Variants in DYNC1I1 observed in about 807,000 individuals in gnomAD.
DYNC1I1 encodes cytoplasmic dynein 1 intermediate chain 1.
In DYNC1I1, 43 loss-of-function variants were observed where a neutral mutation model predicts 86.6. The ratio of observed to expected loss-of-function variants is 0.50; its 90% CI spans 0.39 to 0.64. The LOEUF (loss-of-function observed/expected upper bound fraction) is 0.64. DYNC1I1 is among the 30% of genes least tolerant of loss of function. The pLI, the probability that DYNC1I1 is intolerant of heterozygous loss-of-function variation, is 0.00. For synonymous variants in DYNC1I1, 262 were observed against 283.7 expected, an observed-to-expected ratio of 0.92 and a Z score of 0.77; for missense variants, 604 against 788.8, an observed-to-expected ratio of 0.77 and a Z score of 2.81.
intron 5 of DYNC1I1, among the ~76,000 whole-genome samples, chr7:95,854,100 T>G (rs1038356976): frequency 6.6e-6 from 1 of 152,212 alleles, no homozygotes; most frequent in Admixed American, 6.5e-5. Context: ...CAGCCACTTA[T>G]GTCTTTTGAT....
chr7:96,080,375 A>G lies in DYNC1I1; in HGVS notation c.1663A>G (p.Ser555Gly). The G allele has an allele frequency of 1.2e-6, 2 of 1,608,696 alleles. No homozygotes were observed. The highest frequency in any genetic ancestry group is 1.7e-6 in the Non-Finnish European group (2 of 1,177,682). ...LNNDTEVPTA[S>G]VAIEGASALN... ...AACCCTTTGGCAGGTTCCAACAGCAAGTGTGGCCATTGAGGGGGCATCCGC... is the reference window on the plus strand; with the variant it reads ...AACCCTTTGGCAGGTTCCAACAGCAGGTGTGGCCATTGAGGGGGCATCCGC... Residue 555 changes from serine to glycine, a missense_variant, in exon 16 of 17, where the codon AGT (serine) becomes GGT (glycine). By Grantham distance (56) the Ser-to-Gly change is moderately conservative. Coordinates refer to ENST00000447467, the MANE Select transcript of DYNC1I1 (RefSeq NM_001135556.2).
chr7:95,879,072 C>G (rs1042822685), intron 6 of DYNC1I1, among the ~76,000 whole-genome samples: 4 of 151,852 alleles, frequency 2.6e-5, no homozygotes, highest in African/African-American at 9.7e-5. Flanking sequence ...CACAGACCCA[C>G]CTTACAAGAA....
chr7:96,080,224 C>G, intron 15 of DYNC1I1, 139 bp from the exon 16 acceptor site: 1 of 1,100,918 alleles, frequency 9.1e-7, no homozygotes, highest in Non-Finnish European at 1.2e-6. Flanking sequence ...GCCCTTTTTC[C>G]CCCCGGCACA....
intron 10 of DYNC1I1, among the ~76,000 whole-genome samples, chr7:96,022,905 A>G (rs1489401359): frequency 6.6e-6 from 1 of 151,498 alleles, no homozygotes; most frequent in Non-Finnish European, 1.5e-5. Context: ...AGAAAAAAAG[A>G]CCCTTTCCCT....
At chr7:95,865,941 A>G (rs907658729) in intron 5 of DYNC1I1, among the ~76,000 whole-genome samples, 1 of 152,188 alleles carries the variant, frequency 6.6e-6, no homozygotes, top group Non-Finnish European at 1.5e-5. Flanking sequence ...GGGCTATGGC[A>G]GCAGTATCTG....
At chr7:96,061,657 C>G (rs1476696226) in intron 14 of DYNC1I1, among the ~76,000 whole-genome samples, 1 of 151,260 alleles carries the variant, frequency 6.6e-6, no homozygotes, top group African/African-American at 2.4e-5. Flanking sequence ...AAAAGAGTCT[C>G]TCTCTCTCTT....
intron 5 of DYNC1I1, among the ~76,000 whole-genome samples, chr7:95,847,845 A>C (rs183844716): frequency 2.2e-4 from 34 of 152,280 alleles, no homozygotes; most frequent in Admixed American, 1.4e-3. Flanking sequence ...TGAAATTCAC[A>C]CCAGAGCTTC....
At chr7:95,971,056 T>G (rs13231718) in intron 6 of DYNC1I1, among the ~76,000 whole-genome samples, 6,385 of 152,220 alleles carry the variant, frequency 0.042, 186 homozygotes, top group Middle Eastern at 0.099. Flanking sequence ...GGATTCCATA[T>G]GAACAGTGGC....
chr7:95,898,030 A>C (rs1790932104), intron 6 of DYNC1I1, among the ~76,000 whole-genome samples: 1 of 152,216 alleles, frequency 6.6e-6, no homozygotes, highest in Non-Finnish European at 1.5e-5. Flanking sequence ...CTGTCAAAGC[A>C]ACTCATTTAT....
chr7:95,888,876 A>G (rs1790665429), intron 6 of DYNC1I1, among the ~76,000 whole-genome samples: 1 of 152,152 alleles, frequency 6.6e-6, no homozygotes, highest in Non-Finnish European at 1.5e-5. Context: ...TAAGAGGAAA[A>G]AACTGGAAGG....
chr7:95,881,778 C>T (rs1488474548), intron 6 of DYNC1I1, among the ~76,000 whole-genome samples: 4 of 152,206 alleles, frequency 2.6e-5, no homozygotes, highest in Non-Finnish European at 5.9e-5. Flanking sequence ...CATATGGCAG[C>T]CCCTGGCAGC....
intron 6 of DYNC1I1, among the ~76,000 whole-genome samples, chr7:95,937,708 C>G (rs11763156): frequency 0.017 from 2,579 of 151,944 alleles, 49 homozygotes; most frequent in South Asian, 0.1. Context: ...CTGAAATATT[C>G]TAAATGGTTC....
intron 6 of DYNC1I1, among the ~76,000 whole-genome samples, chr7:95,945,294 A>C (rs775043888): frequency 6.0e-4 from 91 of 152,176 alleles, no homozygotes; most frequent in Non-Finnish European, 1.3e-3. Context: ...TGTCTCTAGA[A>C]AGAGTTCTAT....
At chr7:96,031,612 C>G (rs940134693) in intron 11 of DYNC1I1, among the ~76,000 whole-genome samples, 1 of 152,140 alleles carries the variant, frequency 6.6e-6, no homozygotes, top group East Asian at 1.9e-4. Context: ...TCCTTCTGAC[C>G]AGCAGTTTAT....
In DYNC1I1 at chr7:96,054,832, A is replaced by G. The variant is rs1250372940; in HGVS notation, c.1509+15411A>G. On this transcript the variant is annotated intron_variant, in intron 14 of 16. Coordinates refer to ENST00000447467, the MANE Select transcript of DYNC1I1 (RefSeq NM_001135556.2). ...GATGGGGTTGTTTTTTTCTTGTAAA[A>G]TTGTTTAAGTTCCTTGTAGATTCTG... Among the ~76,000 whole-genome samples, 7 of 151,954 alleles carry G rather than the reference A, an allele frequency of 4.6e-5. No homozygotes were observed. In the East Asian group the frequency reaches 1.4e-3, roughly 29 times the overall value.
intron 14 of DYNC1I1, among the ~76,000 whole-genome samples, chr7:96,054,372 TA>T (rs879431229): frequency 3.9e-5 from 6 of 152,324 alleles, no homozygotes; most frequent in Admixed American, 2.0e-4. Context: ...ACATTTTCTT[TA>T]TACAGTCTAT....
chr7:95,785,664 A>T (rs2115679545), intron 1 of DYNC1I1, among the ~76,000 whole-genome samples: 1 of 151,190 alleles, frequency 6.6e-6, no homozygotes, highest in African/African-American at 2.4e-5. Flanking sequence ...TATATTGTAT[A>T]TAATTAACAA....
At chr7:95,922,250 T>G (rs1791629952) in intron 6 of DYNC1I1, among the ~76,000 whole-genome samples, 1 of 152,090 alleles carries the variant, frequency 6.6e-6, no homozygotes, top group African/African-American at 2.4e-5. Flanking sequence ...TTCAAAAACC[T>G]TCTGAAACAT....
chr7:95,809,788 A>C (rs1468933926), intron 2 of DYNC1I1, among the ~76,000 whole-genome samples: 1 of 152,178 alleles, frequency 6.6e-6, no homozygotes, highest in Non-Finnish European at 1.5e-5. Context: ...CAGTTAGTAT[A>C]TATAATGGAA....
Sources: gnomAD v4.1 joint callset for allele counts (sites outside exome capture counted in the v4.1 genomes callset) on GRCh38, gnomAD v4.1.1 for gene constraint, MANE v1.5 for transcripts, NCBI Gene and HGNC (gene_info 2026-07-23, HGNC 2026-07-21) for gene names.